The following STARD9 variants were observed in gnomAD, a reference collection of about 807,000 sequenced individuals.
STARD9 encodes StAR related lipid transfer domain containing 9.
STARD9 carries 346 observed loss-of-function variants against 399.8 expected under a neutral mutation model. That is an observed-to-expected ratio of 0.87 (90% CI 0.79 to 0.95). The LOEUF (loss-of-function observed/expected upper bound fraction) is 0.95. Among genes scored for constraint, STARD9 ranks in the 40% least tolerant of loss-of-function variants. The pLI is 0.00. For synonymous variants in STARD9, 2,203 were observed against 2,143.5 expected (o/e 1.03, Z -0.77); for missense variants, 5,832 against 5,667.5 (o/e 1.03, Z -0.93).
rs1220420526 is a variant in STARD9, at chr15:42,686,209, T to C, written c.4631T>C (p.Leu1544Pro). The change falls in exon 23 of 33, where the codon CTC becomes CCC. Residue 1544 changes from leucine to proline, a missense_variant. Leu to Pro is a moderately conservative substitution (Grantham distance 98). Around this residue, in one of 2 missense-constraint regions of STARD9, gnomAD observed 5,828 missense variants for 5,651.1 expected, o/e 1.03. Transcript: ENST00000290607. ...VGPRVSSNLN[L>P]NNFPVHLSRI... ...CCTAGGGTATCTAGCAATCTGAATC[T>C]CAACAACTTTCCAGTCCATCTGTCC... is the stretch of plus-strand genomic sequence containing the variant. 4.6e-6 allele frequency: 7 copies of C among 1,537,474 alleles called. No homozygotes were observed. The highest frequency in any genetic ancestry group is 6.1e-6 in the Non-Finnish European group (7 of 1,147,016).
rs2060444916 is a variant in STARD9 at position 42,682,180 on chromosome 15, G to A, written c.2142G>A (p.Glu714=). The A allele has an allele frequency of 6.5e-7, 1 of 1,537,162 alleles. No homozygotes were observed. The highest frequency in any genetic ancestry group is 2.0e-5 in the Admixed American group (1 of 50,982). The change falls in exon 22 of 33, where the codon GAG becomes GAA. Residue 714 remains glutamate, a synonymous_variant. Transcript: ENST00000290607. ...AGCAGCAAGAAGACCAGGTAGCAGAGAAAGAACTTGAGGCATCTGTGGCAC... is the reference window on the plus strand; with the variant it reads ...AGCAGCAAGAAGACCAGGTAGCAGAAAAAGAACTTGAGGCATCTGTGGCAC... ...QQQQQEDQVA[E]KELEASVALD... is the part of the protein sequence containing the mutation.
In STARD9 at chr15:42,691,950, A is replaced by G. The variant is rs748045245; in HGVS notation, c.10372A>G (p.Met3458Val). ...ENWCSQMDKG[M>V]LHFGSSDISP... Reference sequence around the variant, plus strand: ...TTGGTGCTCTCAGATGGACAAAGGAATGCTGCACTTTGGCTCCAGTGACAT... The same window carrying G: ...TTGGTGCTCTCAGATGGACAAAGGAGTGCTGCACTTTGGCTCCAGTGACAT... Residue 3458 changes from methionine (M) to valine (V), a missense_variant, in exon 23 of 33, where the codon ATG becomes GTG. Transcript: ENST00000290607. 6.2e-5 allele frequency: 95 copies of G among 1,537,284 alleles called. 1 individual carries two copies. The South Asian group carries it at 1.0e-3, about 17-fold the overall frequency.
At chr15:42,597,277 G>C (rs958308060) in intron 3 of STARD9, among the ~76,000 whole-genome samples, 3 of 152,106 alleles carry the variant, frequency 2.0e-5, no homozygotes, top group Admixed American at 6.5e-5. Context: ...GTAATGCCAA[G>C]CTGGTCTTGA....
Position 42,718,900 on chromosome 15 carries a change from A to G in STARD9, c.13991A>G (p.Tyr4664Cys), listed in dbSNP as rs900135037. Residue 4664 changes from tyrosine (Y) to cysteine (C), a missense_variant, in exon 32 of 33, where the codon TAC becomes TGC. Tyr to Cys is a radical substitution (Grantham distance 194). Coordinates refer to ENST00000290607, the MANE Select transcript of STARD9 (RefSeq NM_020759.3). ...GGGAAGGAAGTCACCAGAGTCATCTACTTGGCCCAGGTGATAAATCCTTTG... is the reference window on the plus strand; with the variant it reads ...GGGAAGGAAGTCACCAGAGTCATCTGCTTGGCCCAGGTGATAAATCCTTTG... Reference protein sequence around the residue: ...VEGKEVTRVIYLAQVELGAPG... With the variant: ...VEGKEVTRVICLAQVELGAPG... 1.4e-5 allele frequency: 21 copies of G among 1,537,182 alleles called. No individual in the cohort carries two copies. The highest frequency in any genetic ancestry group is 5.9e-5 in the Admixed American group (3 of 50,988).
At chr15:42,701,068 G>A (rs2136901) in intron 26 of STARD9, among the ~76,000 whole-genome samples, 59,113 of 152,086 alleles carry the variant, frequency 0.39, 17,554 homozygotes, top group African/African-American at 0.83. Flanking sequence ...AGTTGGCTAT[G>A]AATGTGTGGA....
chr15:42,686,067 T>A lies in STARD9; in HGVS notation c.4489T>A (p.Cys1497Ser). 1.3e-6 allele frequency: 2 copies of A among 1,537,230 alleles called. No homozygotes were observed. The highest frequency in any genetic ancestry group is 1.7e-6 in the Non-Finnish European group (2 of 1,146,886). The change falls in exon 23 of 33, where the codon TGT becomes AGT. Residue 1497 changes from cysteine to serine, a missense_variant. Coordinates refer to ENST00000290607, the MANE Select transcript of STARD9 (RefSeq NM_020759.3). ...LQQKYLLELS[C>S]PVLEAIGAPK... ...GCAGAAGTACCTCCTTGAACTCTCTTGTCCTGTTTTGGAGGCCATAGGAGC... is the reference window on the plus strand; with the variant it reads ...GCAGAAGTACCTCCTTGAACTCTCTAGTCCTGTTTTGGAGGCCATAGGAGC...
intron 9 of STARD9, among the ~76,000 whole-genome samples, chr15:42,653,036 A>G (rs1248799895): frequency 6.6e-6 from 1 of 152,168 alleles, no homozygotes; most frequent in Non-Finnish European, 1.5e-5. Context: ...AGAACCTAAT[A>G]TTGTAAACCG....
Position 42,695,207 on chromosome 15 carries a change from C to A in STARD9, c.13030C>A (p.Gln4344Lys). Residue 4344 changes from glutamine to lysine, a missense_variant, in exon 25 of 33, where the codon CAG becomes AAG. By Grantham distance (53) the Gln-to-Lys change is moderately conservative (BLOSUM62 1). This residue lies in a region of STARD9 where 5,828 missense variants were observed against 5,651.1 expected (regional missense o/e 1.03). Coordinates refer to ENST00000290607, the MANE Select transcript of STARD9 (RefSeq NM_020759.3). ...SDIELMLQDY[Q>K]QAHEEAKVEI... ...CATAGAGTTGATGCTGCAAGACTACCAGCAGGCCCATGAGGAGGCCAAGGT... is the reference window on the plus strand; with the variant it reads ...CATAGAGTTGATGCTGCAAGACTACAAGCAGGCCCATGAGGAGGCCAAGGT... 1 of 1,537,164 alleles carries A rather than the reference C, an allele frequency of 6.5e-7. No homozygotes were observed. Among genetic ancestry groups the A allele is most frequent in the Non-Finnish European group, 8.7e-7 (1 of 1,146,850 alleles).
chr15:42,602,990 A>G (rs1440247306), intron 3 of STARD9, among the ~76,000 whole-genome samples: 5 of 152,108 alleles, frequency 3.3e-5, no homozygotes, highest in African/African-American at 1.2e-4. Context: ...CATATCCAGT[A>G]TGGATCCTTG....
In STARD9 at chr15:42,633,577, T is replaced by C. The variant is rs75903724; in HGVS notation, c.235-1279T>C. ...TAACTATTCTTTATTTTTATGTCTT[T>C]CTTTCAAAATTCAAATGATAATCTA... On this transcript the variant is annotated intron_variant, in intron 3 of 32. Coordinates refer to ENST00000290607, the MANE Select transcript of STARD9 (RefSeq NM_020759.3). Among the ~76,000 whole-genome samples, 13 of 152,174 alleles carry C rather than the reference T, an allele frequency of 8.5e-5. No homozygotes were observed. In the East Asian group the frequency reaches 2.5e-3, roughly 29 times the overall value.
In STARD9 at chr15:42,648,762, C is replaced by G. The variant is rs553047350; in HGVS notation, c.560-2254C>G. 5.3e-5 allele frequency among the ~76,000 whole-genome samples: 8 copies of G among 151,794 alleles called. No homozygotes were observed. The South Asian group carries it at 6.2e-4, about 12-fold the overall frequency. Reference sequence around the variant, plus strand: ...AGCCATTACCTTTCCCTTTTTTCCCCCCTTCCCTCCACTACCATTACCTCT... The same window carrying G: ...AGCCATTACCTTTCCCTTTTTTCCCGCCTTCCCTCCACTACCATTACCTCT... On this transcript the variant is annotated intron_variant, in intron 7 of 32. Coordinates refer to ENST00000290607, the MANE Select transcript of STARD9 (RefSeq NM_020759.3).
At chr15:42,623,726 A>G (rs1235758774) in intron 3 of STARD9, among the ~76,000 whole-genome samples, 4 of 152,204 alleles carry the variant, frequency 2.6e-5, no homozygotes, top group South Asian at 2.1e-4. Context: ...CTGTTTAAAT[A>G]CCAATTTCCA....
Position 42,684,127 on chromosome 15 carries a change from G to C in STARD9, c.2549G>C (p.Ser850Thr), listed in dbSNP as rs1003354031. The stretch of plus-strand genomic sequence containing the variant: ...CCTTGTCTTCACAGCATTTTCCTAA[G>C]TTGGGATCCCTCTACCACATTGCCA... ...HMPQLHSIFL[S>T]WDPSTTLPPR... Residue 850 changes from serine (S) to threonine (T), a missense_variant, in exon 23 of 33, where the codon AGT (serine) becomes ACT (threonine). This residue lies in a region of STARD9 where 5,828 missense variants were observed against 5,651.1 expected (regional missense o/e 1.03). Coordinates refer to ENST00000290607, the MANE Select transcript of STARD9 (RefSeq NM_020759.3). 5.2e-6 allele frequency: 8 copies of C among 1,527,252 alleles called. No individual in the cohort carries two copies. In the African/African-American group the frequency reaches 1.1e-4, roughly 21 times the overall value. 94.6% of individuals were successfully genotyped at this position (1,527,252 alleles called of 1,614,324 possible). A position where few individuals can be genotyped will look rare whatever the true frequency, so the allele number is the denominator to read the frequency against.
At chr15:42,577,182 C>T (rs943183037) in intron 1 of STARD9, among the ~76,000 whole-genome samples, 1 of 151,114 alleles carries the variant, frequency 6.6e-6, no homozygotes, top group Non-Finnish European at 1.5e-5. Flanking sequence ...GAGATGGAGT[C>T]TCGCTCTGTC....
chr15:42,610,434 C>A (rs1334270452), intron 3 of STARD9, among the ~76,000 whole-genome samples: 1 of 152,230 alleles, frequency 6.6e-6, no homozygotes, highest in Non-Finnish European at 1.5e-5. Context: ...GAAGCTGTAA[C>A]AATCAGTGTC....
chr15:42,666,878 G>C (rs1446980091), intron 15 of STARD9, among the ~76,000 whole-genome samples: 2 of 151,976 alleles, frequency 1.3e-5, no homozygotes, highest in Non-Finnish European at 2.9e-5. Flanking sequence ...GCAGCGTTGT[G>C]ATCTCAGCTC....
At chr15:42,672,394 G>C (rs1186144008) in intron 16 of STARD9, 1 of 152,206 alleles carries the variant, frequency 6.6e-6, no homozygotes, top group Non-Finnish European at 1.5e-5. Flanking sequence ...ATGCCAGCCA[G>C]CTCAGTCCTC....
Position 42,717,997 on chromosome 15 carries a change from C to T in STARD9, c.13580C>T (p.Ala4527Val), listed in dbSNP as rs927638172. The T allele has an allele frequency of 1.0e-5, 16 of 1,537,036 alleles. No homozygotes were observed. The highest frequency in any genetic ancestry group is 4.9e-5 in the East Asian group (2 of 40,926). ...CCCAGCTATCAGGGTGAGGAGCAGG[C>T]GGTGCAGCTTTACTACAAGGTGTTT... is the stretch of plus-strand genomic sequence containing the variant. Reference protein sequence around the residue: ...AGWNYQGEEQAVQLYYKVFSP... With the variant: ...AGWNYQGEEQVVQLYYKVFSP... Residue 4527 changes from alanine to valine, a missense_variant, in exon 30 of 33, where the codon GCG becomes GTG. Physicochemically the swap from Ala to Val is moderately conservative, Grantham distance 64. Transcript: ENST00000290607.
Position 42,720,618 on chromosome 15 carries a change from A to G in STARD9, c.*1044A>G, listed in dbSNP as rs1269526596. 1.3e-5 allele frequency: 2 copies of G among 152,056 alleles called. No homozygotes were observed. The highest frequency in any genetic ancestry group is 4.8e-5 in the African/African-American group (2 of 41,366). The allele number at this position is 152,056 out of a possible 1,614,324, so 9.4% of individuals were successfully genotyped here. A position where few individuals can be genotyped will look rare whatever the true frequency, so the allele number is the denominator to read the frequency against. On this transcript the variant is annotated 3_prime_UTR_variant, in exon 33 of 33. Coordinates refer to ENST00000290607, the MANE Select transcript of STARD9 (RefSeq NM_020759.3). ...TGTACTTTAGCCTGGCTGAACATGAACTTTGTGTTTACCTGGAAGTGGTAG... is the reference window on the plus strand; with the variant it reads ...TGTACTTTAGCCTGGCTGAACATGAGCTTTGTGTTTACCTGGAAGTGGTAG...
Sources: allele counts gnomAD v4.1 joint callset (sites outside exome capture counted in the v4.1 genomes callset), GRCh38; gene constraint gnomAD v4.1.1; regional missense constraint gnomAD v4.1.1; transcripts MANE v1.5; gene names NCBI Gene and HGNC (gene_info 2026-07-23, HGNC 2026-07-21).